The following RIC3 variants were observed in gnomAD, a reference collection of about 807,000 sequenced individuals.
The protein encoded by RIC3 is protein RIC-3.
RIC3 carries 28 observed loss-of-function variants against 27.3 expected under a neutral mutation model. That is an observed-to-expected ratio of 1.02 (90% CI 0.76 to 1.41). The LOEUF is 1.41. RIC3 is among the 40% of genes most tolerant of loss of function. The pLI is 0.00. For synonymous variants in RIC3, 184 were observed against 160.4 expected (o/e 1.15, Z -1.11); for missense variants, 501 against 444.7 (o/e 1.13, Z -1.14).
At chr11:8,157,665 A>T (rs939437374) in intron 1 of RIC3, among the ~76,000 whole-genome samples, 4 of 152,166 alleles carry the variant, frequency 2.6e-5, no homozygotes, top group African/African-American at 9.7e-5. Flanking sequence ...CCTGATTTGG[A>T]TGAATTATAC....
chr11:8,094,546 G>C, the RIC3 span, among the ~76,000 whole-genome samples: 2 of 152,204 alleles, frequency 1.3e-5, no homozygotes, highest in Non-Finnish European at 2.9e-5. Flanking sequence ...TGCACTGGGG[G>C]CTGACTGCTT....
the RIC3 span, chr11:8,098,689 G>C: frequency 8.2e-7 from 1 of 1,220,978 alleles, no homozygotes; most frequent in Non-Finnish European, 1.2e-6. Context: ...TCATAGGACA[G>C]ACGATGAGCT....
chr11:8,123,491 G>T (rs780623565), intron 5 of RIC3, among the ~76,000 whole-genome samples: 9 of 152,140 alleles, frequency 5.9e-5, no homozygotes, highest in Admixed American at 2.0e-4. Flanking sequence ...CCTCTGGGCA[G>T]CTTGATCAGG....
At chr11:8,113,289 C>G (rs1945471670) in intron 5 of RIC3, among the ~76,000 whole-genome samples, 1 of 152,192 alleles carries the variant, frequency 6.6e-6, no homozygotes, top group South Asian at 2.1e-4. Context: ...ATTTTCATGA[C>G]TATCTGCTTT....
At chr11:8,153,096 T>C (rs1353309995) in intron 1 of RIC3, among the ~76,000 whole-genome samples, 2 of 152,178 alleles carry the variant, frequency 1.3e-5, no homozygotes, top group Non-Finnish European at 2.9e-5. Context: ...ATCAAAGAGA[T>C]GTTGAAAAAG....
chr11:8,150,123 G>A (rs182325475), intron 1 of RIC3, among the ~76,000 whole-genome samples: 10 of 152,028 alleles, frequency 6.6e-5, no homozygotes, highest in East Asian at 1.9e-4. Flanking sequence ...ATGTATATAC[G>A]GCCACCCTGC....
intron 1 of RIC3, among the ~76,000 whole-genome samples, chr11:8,144,332 A>T (rs972826616): frequency 2.7e-5 from 4 of 150,904 alleles, no homozygotes; most frequent in Admixed American, 2.0e-4. Context: ...CAAATTTACA[A>T]GAAAAAAACA....
chr11:8,142,311 T>A, intron 1 of RIC3, among the ~76,000 whole-genome samples: 1 of 144,076 alleles, frequency 6.9e-6, no homozygotes. Flanking sequence ...GAGAGAAGAA[T>A]CAAATAGACA....
At chr11:8,101,658 C>A (rs770460278), downstream of RIC3, 1 of 1,607,706 alleles carries the variant, frequency 6.2e-7, no homozygotes, top group African/African-American at 1.3e-5. Context: ...CAGCCTGGAG[C>A]GGAGCTTGCC....
chr11:8,133,197 AC>A (rs1334303631), intron 4 of RIC3, among the ~76,000 whole-genome samples: 1 of 151,960 alleles, frequency 6.6e-6, no homozygotes, highest in East Asian at 1.9e-4. Flanking sequence ...CCGCCTTTCC[AC>A]CATATGATGA....
At chr11:8,162,550 C>A (rs776905996) in intron 1 of RIC3, among the ~76,000 whole-genome samples, 2 of 151,748 alleles carry the variant, frequency 1.3e-5, no homozygotes, top group African/African-American at 2.4e-5. Flanking sequence ...AGAAAAAAAC[C>A]TTCACAATTT....
rs548906217 is a variant in RIC3 at position 8,130,565 on chromosome 11, A to AT, written c.522-3759dup. On this transcript the variant is annotated intron_variant, in intron 4 of 5. Transcript: ENST00000309737. ...CCAAGGAACCCTGATAAAGCCTGTG[A>AT]TTTTTTTTCTTCCATTAGGTCCCCT... is the stretch of plus-strand genomic sequence containing the variant. 1.6e-3 allele frequency among the ~76,000 whole-genome samples: 240 copies of AT among 151,966 alleles called. 1 individual carries two copies. The highest frequency in any genetic ancestry group is 5.3e-3 in the African/African-American group (220 of 41,458).
chr11:8,106,218 C>CAAATTAAACTTGA lies in RIC3; in HGVS notation c.*4467_*4479dup, dbSNP rs1245076852. ...TTGTCTAAGTACACACATATATCAA[C>CAAATTAAACTTGA]AAATTAAACTTGAATCGTTTCAACA... On this transcript the variant is annotated 3_prime_UTR_variant, in exon 6 of 6. Coordinates refer to ENST00000309737, the MANE Select transcript of RIC3 (RefSeq NM_001206671.4). 6.6e-6 allele frequency: 1 copy of CAAATTAAACTTGA among 152,150 alleles called. No homozygotes were observed. The highest frequency in any genetic ancestry group is 1.5e-5 in the Non-Finnish European group (1 of 68,018). The allele number at this position is 152,150 out of a possible 1,614,324, so 9.4% of individuals were successfully genotyped here. A position where few individuals can be genotyped will look rare whatever the true frequency, so the allele number is the denominator to read the frequency against.
chr11:8,134,223 C>T (rs1409224560), intron 4 of RIC3, among the ~76,000 whole-genome samples: 1 of 152,134 alleles, frequency 6.6e-6, no homozygotes, highest in Non-Finnish European at 1.5e-5. Context: ...TCAATTCCCA[C>T]CTATGAGTGA....
At chr11:8,100,466 A>G in the RIC3 span, 266 of 1,549,990 alleles carry the variant, frequency 1.7e-4, no homozygotes, top group Non-Finnish European at 5.3e-5. Flanking sequence ...AGGTAAATAG[A>G]CGCCTCAGGT....
intron 4 of RIC3, among the ~76,000 whole-genome samples, chr11:8,129,564 G>A (rs893724741): frequency 6.6e-6 from 1 of 152,162 alleles, no homozygotes; most frequent in Non-Finnish European, 1.5e-5. Context: ...GACCAGAAGA[G>A]GCTGAGTATG....
At chr11:8,102,689 T>A (rs1375071606), downstream of RIC3, 1 of 152,132 alleles carries the variant, frequency 6.6e-6, no homozygotes, top group Non-Finnish European at 1.5e-5. Flanking sequence ...TGGGAGGGAA[T>A]GGGACAGGGT....
chr11:8,129,363 T>G (rs2133695500), intron 4 of RIC3, among the ~76,000 whole-genome samples: 1 of 152,168 alleles, frequency 6.6e-6, no homozygotes, highest in African/African-American at 2.4e-5. Context: ...GACCATCACC[T>G]CTATAGAAAA....
At chr11:8,120,327 T>C (rs756019018) in intron 5 of RIC3, among the ~76,000 whole-genome samples, 3 of 152,228 alleles carry the variant, frequency 2.0e-5, no homozygotes, top group Non-Finnish European at 4.4e-5. Context: ...TAAGAAAATG[T>C]GGCATATATA....
Sources: allele counts gnomAD v4.1 joint callset (sites outside exome capture counted in the v4.1 genomes callset), GRCh38; gene constraint gnomAD v4.1.1; transcripts MANE v1.5; gene names NCBI Gene and HGNC (gene_info 2026-07-23, HGNC 2026-07-21).